The following OCIAD1 variants were observed in gnomAD, a reference collection of about 807,000 sequenced individuals.
OCIAD1 encodes the protein OCIA domain-containing protein 1.
Under a neutral mutation model 38.9 loss-of-function variants are expected in OCIAD1, and 29 were observed. The observed-to-expected ratio is 0.74, with a 90% CI of 0.55 to 1.02. OCIAD1 has a LOEUF of 1.02. Among genes scored for constraint, OCIAD1 ranks in the 50% least tolerant of loss-of-function variants. OCIAD1 has a pLI of 0.00. For synonymous variants in OCIAD1, 110 were observed against 92.0 expected (o/e 1.20, Z -1.12); for missense variants, 288 against 289.6 (o/e 0.99, Z 0.04).
intron 5 of OCIAD1, among the ~76,000 whole-genome samples, chr4:48,849,647 T>C (rs984679354): frequency 6.6e-6 from 1 of 152,220 alleles, no homozygotes; most frequent in Non-Finnish European, 1.5e-5. Context: ...CTTCCCATTA[T>C]ACCTTTACTA....
At chr4:48,817,985 G>A (rs1218560714) in intron 1 of OCIAD1, among the ~76,000 whole-genome samples, 3 of 152,180 alleles carry the variant, frequency 2.0e-5, no homozygotes, top group African/African-American at 4.8e-5. Context: ...CAGCTTCAGC[G>A]GATTTAATCA....
chr4:48,856,989 C>T (rs1383013469), intron 7 of OCIAD1: 2 of 256,474 alleles, frequency 7.8e-6, no homozygotes, highest in South Asian at 2.9e-4. Context: ...TTTTGATGTC[C>T]ATTTTAATTT....
At chr4:48,806,937 T>A (rs1023299132) in intron 1 of OCIAD1, among the ~76,000 whole-genome samples, 9 of 151,758 alleles carry the variant, frequency 5.9e-5, no homozygotes, top group African/African-American at 1.9e-4. Flanking sequence ...AGGATCTCAC[T>A]CTGTTGCCCA....
rs1359042887 is a variant in OCIAD1, at chr4:48,806,009, G to A, written c.-103+679G>A. On this transcript the variant is annotated intron_variant, in intron 1 of 6. Transcript: ENST00000504654. Reference sequence around the variant, plus strand: ...CCGGGCATGGTGGTGGCTCACGCCTGTAATCCCAACACTTTGGGAGGCCGA... The same window carrying A: ...CCGGGCATGGTGGTGGCTCACGCCTATAATCCCAACACTTTGGGAGGCCGA... Among the ~76,000 whole-genome samples the A allele has an allele frequency of 4.6e-5, 7 of 152,336 alleles. No individual in the cohort carries two copies. The East Asian group carries it at 1.2e-3, about 25-fold the overall frequency.
At chr4:48,816,418 A>C (rs576718902) in intron 1 of OCIAD1, among the ~76,000 whole-genome samples, 1 of 150,674 alleles carries the variant, frequency 6.6e-6, no homozygotes, top group South Asian at 2.1e-4. Context: ...CTGTAGTCCC[A>C]GCTACTCAGG....
chr4:48,845,018 G>A (rs968298740), intron 4 of OCIAD1, among the ~76,000 whole-genome samples: 1 of 151,994 alleles, frequency 6.6e-6, no homozygotes. Flanking sequence ...TGTACATATG[G>A]AGGGCTGCCT....
chr4:48,856,195 G>T (rs1311368577), intron 7 of OCIAD1: 14 of 151,446 alleles, frequency 9.2e-5, no homozygotes, highest in African/African-American at 3.4e-4. Context: ...ATTTACATTT[G>T]ACTCTATGAT....
At chr4:48,854,985 C>A (rs1418923241) in intron 7 of OCIAD1, among the ~76,000 whole-genome samples, 1 of 152,182 alleles carries the variant, frequency 6.6e-6, no homozygotes, top group Non-Finnish European at 1.5e-5. Context: ...TTCTTTATAA[C>A]CTTCCCAAAA....
At chr4:48,838,134 A>G (rs914047145) in intron 3 of OCIAD1, among the ~76,000 whole-genome samples, 2 of 152,172 alleles carry the variant, frequency 1.3e-5, no homozygotes, top group Non-Finnish European at 2.9e-5. Context: ...CCTGACCTAT[A>G]TGGTGAAACC....
chr4:48,819,740 A>AAAAAAAAAAAAAAAAG (rs1381189214), intron 1 of OCIAD1, among the ~76,000 whole-genome samples: 19 of 145,550 alleles, frequency 1.3e-4, no homozygotes, highest in Non-Finnish European at 2.1e-4. Context: ...AAAAAAAAAA[A>AAAAAAAAAAAAAAAAG]AAAAGGAGGG....
At chr4:48,838,716 G>A (rs1271729106) in intron 3 of OCIAD1, among the ~76,000 whole-genome samples, 1 of 152,130 alleles carries the variant, frequency 6.6e-6, no homozygotes, top group Non-Finnish European at 1.5e-5. Context: ...AAGCATTTAC[G>A]AATTTATAAA....
chr4:48,858,136 G>C (rs575672095), intron 8 of OCIAD1, among the ~76,000 whole-genome samples: 1 of 151,972 alleles, frequency 6.6e-6, no homozygotes, highest in Non-Finnish European at 1.5e-5. Context: ...CCTGGATGAC[G>C]GAGCGAGGCT....
At chr4:48,842,559 C>A in intron 3 of OCIAD1, 77 bp from the exon 4 acceptor site, 1 of 850,682 alleles carries the variant, frequency 1.2e-6, no homozygotes, top group Non-Finnish European at 1.9e-6. Context: ...GGTTTTACTG[C>A]TATTCATTTA....
chr4:48,849,432 C>T (rs1444690850), intron 5 of OCIAD1, among the ~76,000 whole-genome samples: 1 of 152,050 alleles, frequency 6.6e-6, no homozygotes, highest in Non-Finnish European at 1.5e-5. Flanking sequence ...CAGTAAGTGC[C>T]ACGTTTAGGT....
chr4:48,832,591 A>G (rs1448402448), intron 1 of OCIAD1, 29 bp from the exon 2 acceptor site: 3 of 1,565,508 alleles, frequency 1.9e-6, no homozygotes, highest in South Asian at 2.2e-5. Flanking sequence ...ATAGTTTCTA[A>G]TACTTAATAT....
At chr4:48,846,794 A>G (rs1431324068) in intron 4 of OCIAD1, among the ~76,000 whole-genome samples, 4 of 152,168 alleles carry the variant, frequency 2.6e-5, no homozygotes, top group African/African-American at 9.6e-5. Flanking sequence ...GAAACTGACA[A>G]ACATTAAAAT....
At chr4:48,831,624 C>T (rs1777511425) in intron 1 of OCIAD1, 3 of 1,102,668 alleles carry the variant, frequency 2.7e-6, no homozygotes, top group South Asian at 2.6e-5. Context: ...CGTGTCAGCC[C>T]TGACAGTCTT....
Position 48,842,677 on chromosome 4 carries a change from T to C in OCIAD1, c.181T>C (p.Leu61=). ...AACAAGTATGTTGATTACTCAAGGATTAATTAGTAAAGGTAAATATTTAAA... is the reference window on the plus strand; with the variant it reads ...AACAAGTATGTTGATTACTCAAGGACTAATTAGTAAAGGTAAATATTTAAA... ...AATSMLITQG[L]ISKGILSSHP... is the part of the protein sequence containing the mutation. Residue 61 remains leucine, a synonymous_variant, in exon 4 of 9, where the codon TTA becomes CTA. Coordinates refer to ENST00000264312, the MANE Select transcript of OCIAD1 (RefSeq NM_017830.4). 6.5e-7 allele frequency: 1 copy of C among 1,548,572 alleles called. No homozygotes were observed. Among genetic ancestry groups the C allele is most frequent in the Non-Finnish European group, 8.8e-7 (1 of 1,139,956 alleles).
At chr4:48,820,830 C>T (rs1313068917) in intron 1 of OCIAD1, among the ~76,000 whole-genome samples, 1 of 152,184 alleles carries the variant, frequency 6.6e-6, no homozygotes, top group African/African-American at 2.4e-5. Flanking sequence ...GACACATACA[C>T]ACTTTCAAGA....
Sources: gnomAD v4.1 joint callset for allele counts (sites outside exome capture counted in the v4.1 genomes callset) on GRCh38, gnomAD v4.1.1 for gene constraint, MANE v1.5 for transcripts, NCBI Gene and HGNC (gene_info 2026-07-23, HGNC 2026-07-21) for gene names.